Variants in COX7B2 observed in about 807,000 individuals in gnomAD.
COX7B2 encodes cytochrome c oxidase subunit 7B2, mitochondrial.
For synonymous variants in COX7B2, 37 were observed against 32.1 expected (o/e 1.15, Z -0.51); for missense variants, 109 against 95.9 (o/e 1.14, Z -0.57).
chr4:46,885,649 A>G (rs923862695), intron 1 of COX7B2, among the ~76,000 whole-genome samples: 2 of 152,176 alleles, frequency 1.3e-5, no homozygotes, highest in African/African-American at 4.8e-5. Flanking sequence ...CTCTTCAACA[A>G]TTTAAAAATC....
intron 2 of COX7B2, among the ~76,000 whole-genome samples, chr4:46,804,828 T>C (rs549267480): frequency 0.013 from 1,908 of 152,340 alleles, 31 homozygotes; most frequent in African/African-American, 0.044. Flanking sequence ...GCCGTGTGCC[T>C]GCACTCCTCA....
intron 1 of COX7B2, among the ~76,000 whole-genome samples, chr4:46,845,405 T>G (rs1273275464): frequency 3.3e-5 from 5 of 151,936 alleles, no homozygotes; most frequent in East Asian, 1.9e-4. Flanking sequence ...AGCAACTTCC[T>G]TCATGCAAGT....
intron 2 of COX7B2, among the ~76,000 whole-genome samples, chr4:46,829,197 A>C (rs1714906732): frequency 6.6e-6 from 1 of 152,152 alleles, no homozygotes; most frequent in African/African-American, 2.4e-5. Flanking sequence ...GATACTGCCC[A>C]TACTCATCTT....
chr4:46,756,092 T>C (rs58282714), intron 2 of COX7B2, among the ~76,000 whole-genome samples: 1 of 151,860 alleles, frequency 6.6e-6, no homozygotes, highest in South Asian at 2.1e-4. Context: ...CAAAACACCA[T>C]GGTACTGGTA....
intron 1 of COX7B2, among the ~76,000 whole-genome samples, chr4:46,886,277 T>C (rs1267047577): frequency 6.6e-6 from 1 of 152,198 alleles, no homozygotes; most frequent in East Asian, 1.9e-4. Context: ...TGATATTTCA[T>C]AGTTGTATAA....
chr4:46,873,518 G>C (rs185684981), intron 1 of COX7B2, among the ~76,000 whole-genome samples: 43 of 152,172 alleles, frequency 2.8e-4, no homozygotes, highest in Non-Finnish European at 4.6e-4. Flanking sequence ...ATTCTAACTG[G>C]CATGAGATGG....
In COX7B2 at chr4:46,845,352, A is replaced by C. The variant is rs1716197268; in HGVS notation, c.-104-338T>G. 2.0e-5 allele frequency among the ~76,000 whole-genome samples: 3 copies of C among 151,794 alleles called. No individual in the cohort carries two copies. In the South Asian group the frequency reaches 6.2e-4, roughly 31 times the overall value. On this transcript the variant is annotated intron_variant, in intron 1 of 2. Transcript: ENST00000355591. Reference sequence around the variant, plus strand: ...CTCACCTGTACCCAACCTCAAATGGAAGGTTCTGGCCAAGGTTTGCCTAAT... The same window carrying C: ...CTCACCTGTACCCAACCTCAAATGGCAGGTTCTGGCCAAGGTTTGCCTAAT...
At chr4:46,849,236 CCAT>C (rs1716502669) in intron 1 of COX7B2, among the ~76,000 whole-genome samples, 2 of 151,956 alleles carry the variant, frequency 1.3e-5, no homozygotes, top group African/African-American at 4.8e-5. Context: ...AGGTTTTGCT[CCAT>C]CATCAAGGCT....
intron 1 of COX7B2, among the ~76,000 whole-genome samples, chr4:46,874,273 T>A (rs900132170): frequency 6.6e-6 from 1 of 152,160 alleles, no homozygotes; most frequent in Admixed American, 6.5e-5. Context: ...GAAGAAAAAA[T>A]TTAGAATTTG....
chr4:46,764,374 G>A lies in COX7B2; in HGVS notation c.-49-29133C>T, dbSNP rs111508830. Among the ~76,000 whole-genome samples the A allele has an allele frequency of 4.5e-3, 682 of 151,508 alleles. 9 individuals are homozygous for A. Among genetic ancestry groups the A allele is most frequent in the African/African-American group, 0.016 (655 of 41,268 alleles). On this transcript the variant is annotated intron_variant, in intron 2 of 2. Coordinates refer to ENST00000355591, the MANE Select transcript of COX7B2 (RefSeq NM_130902.3). Reference sequence around the variant, plus strand: ...AGCCTGACCAACATGGCGAAACCTCGTCTCCACTAAAAATACAAAAATTAG... The same window carrying A: ...AGCCTGACCAACATGGCGAAACCTCATCTCCACTAAAAATACAAAAATTAG...
intron 2 of COX7B2, among the ~76,000 whole-genome samples, chr4:46,804,409 C>G (rs554151545): frequency 6.6e-6 from 1 of 152,066 alleles, no homozygotes; most frequent in Non-Finnish European, 1.5e-5. Flanking sequence ...TACAAAGAGC[C>G]GATTGGTCTG....
intron 2 of COX7B2, among the ~76,000 whole-genome samples, chr4:46,832,503 C>T (rs1715213763): frequency 6.6e-6 from 1 of 152,142 alleles, no homozygotes; most frequent in African/African-American, 2.4e-5. Context: ...AAAACCAGTT[C>T]CATAGGCATA....
At chr4:46,858,850 AC>A (rs1469017224) in intron 1 of COX7B2, among the ~76,000 whole-genome samples, 1 of 152,210 alleles carries the variant, frequency 6.6e-6, no homozygotes, top group Non-Finnish European at 1.5e-5. Context: ...TAACAGCCTA[AC>A]ATGTAGGAAG....
intron 1 of COX7B2, among the ~76,000 whole-genome samples, chr4:46,881,011 A>AAAAAAAAAAAAC (rs1197072002): frequency 6.7e-6 from 1 of 148,854 alleles, no homozygotes; most frequent in Non-Finnish European, 1.5e-5. Flanking sequence ...AAAAAAAAAA[A>AAAAAAAAAAAAC]CTCTTGGATT....
intron 2 of COX7B2, among the ~76,000 whole-genome samples, chr4:46,762,436 A>G (rs535680649): frequency 7.3e-6 from 1 of 137,930 alleles, no homozygotes; most frequent in Non-Finnish European, 1.5e-5. Context: ...TTTACTATAT[A>G]TACTGTATAT....
At chr4:46,778,325 T>C (rs1717267264) in intron 2 of COX7B2, among the ~76,000 whole-genome samples, 1 of 152,176 alleles carries the variant, frequency 6.6e-6, no homozygotes, top group East Asian at 1.9e-4. Context: ...TCTCCTATAC[T>C]CATTAATTTT....
chr4:46,784,766 A>C (rs1560379013), intron 2 of COX7B2, among the ~76,000 whole-genome samples: 2 of 152,236 alleles, frequency 1.3e-5, no homozygotes, highest in African/African-American at 4.8e-5. Flanking sequence ...TCATGACTTA[A>C]TTGTTGTCTT....
intron 1 of COX7B2, among the ~76,000 whole-genome samples, chr4:46,864,424 CA>C (rs1553895027): frequency 6.6e-6 from 1 of 152,034 alleles, no homozygotes; most frequent in Non-Finnish European, 1.5e-5. Context: ...AAGTAGCATT[CA>C]AAAACCACCT....
intron 2 of COX7B2, among the ~76,000 whole-genome samples, chr4:46,807,586 G>A (rs1473120231): frequency 6.6e-6 from 1 of 151,832 alleles, no homozygotes; most frequent in East Asian, 1.9e-4. Flanking sequence ...TCATTACAAA[G>A]GTCAATGTCC....
Sources: allele counts gnomAD v4.1 joint callset (sites outside exome capture counted in the v4.1 genomes callset), GRCh38; gene constraint gnomAD v4.1.1; transcripts MANE v1.5; gene names NCBI Gene and HGNC (gene_info 2026-07-23, HGNC 2026-07-21).